Variants in FAM193A observed in about 807,000 individuals in gnomAD.
The protein encoded by FAM193A is family with sequence similarity 193 member A, also known as protein FAM193A.
Under a neutral mutation model 126.5 loss-of-function variants are expected in FAM193A, and 22 were observed. The ratio of observed to expected loss-of-function variants is 0.17; its 90% CI spans 0.12 to 0.25. The LOEUF is 0.25. Ranked by LOEUF, FAM193A falls within the 10% of genes least tolerant of loss-of-function variation. FAM193A has a pLI of 1.00. For missense variants in FAM193A, 1,675 were observed against 1,672.8 expected, an observed-to-expected ratio of 1.00 and a Z score of -0.02; for synonymous variants, 761 against 646.8, an observed-to-expected ratio of 1.18 and a Z score of -2.68.
chr4:2,579,223 G>C (rs546482586), intron 1 of FAM193A, among the ~76,000 whole-genome samples: 1 of 152,082 alleles, frequency 6.6e-6, no homozygotes, highest in East Asian at 2.0e-4. Flanking sequence ...GGCTGGGCGC[G>C]GTGGCTCACG....
intron 4 of FAM193A, among the ~76,000 whole-genome samples, chr4:2,630,636 C>T (rs1011577027): frequency 3.9e-5 from 6 of 152,246 alleles, no homozygotes; most frequent in African/African-American, 7.2e-5. Flanking sequence ...AATGTCCCCT[C>T]TGTAAAGCAG....
chr4:2,604,853 A>G (rs1386066382), intron 2 of FAM193A, among the ~76,000 whole-genome samples: 7 of 129,698 alleles, frequency 5.4e-5, no homozygotes, highest in Non-Finnish European at 1.5e-5. Context: ...GCTGGAGTGC[A>G]GTGGTGCGAA....
intron 1 of FAM193A, among the ~76,000 whole-genome samples, chr4:2,569,034 A>G (rs1435463682): frequency 1.6e-5 from 2 of 122,042 alleles, no homozygotes; most frequent in Non-Finnish European, 3.2e-5. Context: ...TAATGGTATG[A>G]TCTCGGCTCA....
At chr4:2,590,878 T>A (rs1190150311) in intron 1 of FAM193A, among the ~76,000 whole-genome samples, 1 of 151,356 alleles carries the variant, frequency 6.6e-6, no homozygotes, top group East Asian at 2.0e-4. Flanking sequence ...ATACAAAAAA[T>A]TAACCAGGCG....
At chr4:2,694,679 G>A (rs1160211227) in intron 16 of FAM193A, among the ~76,000 whole-genome samples, 2 of 152,184 alleles carry the variant, frequency 1.3e-5, no homozygotes, top group African/African-American at 4.8e-5. Flanking sequence ...AGTCTCAGAA[G>A]GAGTCATTGG....
intron 1 of FAM193A, among the ~76,000 whole-genome samples, chr4:2,578,800 A>G (rs1205191779): frequency 2.6e-5 from 4 of 152,094 alleles, no homozygotes; most frequent in East Asian, 1.9e-4. Context: ...TATATTTACT[A>G]TTTATTAAGT....
chr4:2,707,770 T>C (rs1001809804), intron 19 of FAM193A, among the ~76,000 whole-genome samples: 3 of 149,434 alleles, frequency 2.0e-5, no homozygotes, highest in African/African-American at 7.4e-5. Flanking sequence ...TGGAGTGCAG[T>C]GGCGCAATCT....
intron 1 of FAM193A, among the ~76,000 whole-genome samples, chr4:2,540,570 C>T (rs528488562): frequency 1.3e-5 from 2 of 152,178 alleles, no homozygotes; most frequent in South Asian, 4.1e-4. Flanking sequence ...ATGGCATGAA[C>T]CCAGGAGGCT....
At chr4:2,608,086 C>T in intron 2 of FAM193A, 2 of 1,609,798 alleles carry the variant, frequency 1.2e-6, no homozygotes, top group South Asian at 1.1e-5. Flanking sequence ...GCCTGATTCA[C>T]TCCCAGATTA....
rs768730827 is a variant in FAM193A, at chr4:2,663,177, T to C, written c.1968T>C (p.Ser656=). ...EADDEEADGE[S]SGEPPGAPKE... is the part of the protein sequence containing the mutation. ...ATGATGAAGAAGCGGACGGCGAGAG[T>C]AGTGGGGAGCCCCCAGGGGCCCCGA... Residue 656 remains serine, a synonymous_variant, in exon 12 of 21, where the codon AGT becomes AGC. Transcript: ENST00000637812. 1.9e-6 allele frequency: 3 copies of C among 1,613,478 alleles called. No homozygotes were observed. The Admixed American group carries it at 5.0e-5, about 27-fold the overall frequency.
Position 2,695,054 on chromosome 4 carries a change from C to T in FAM193A, c.3201C>T (p.Ser1067=), listed in dbSNP as rs1716881156. 2 of 1,609,612 alleles carry T rather than the reference C, an allele frequency of 1.2e-6. No homozygotes were observed. The highest frequency in any genetic ancestry group is 1.1e-5 in the South Asian group (1 of 90,188). ...ACAGCTGCTCTGAGCACAGCTCCAGCACCTCGACCTCCACCAACCAGAAGG... is the reference window on the plus strand; with the variant it reads ...ACAGCTGCTCTGAGCACAGCTCCAGTACCTCGACCTCCACCAACCAGAAGG... ...DEDSCSEHSS[S]TSTSTNQKEG... The change falls in exon 17 of 21, where the codon AGC becomes AGT. Residue 1067 remains serine (S), a synonymous_variant. Coordinates refer to ENST00000637812, the MANE Select transcript of FAM193A (RefSeq NM_001366318.2).
intron 19 of FAM193A, among the ~76,000 whole-genome samples, chr4:2,712,469 C>G (rs564672331): frequency 3.3e-4 from 51 of 152,246 alleles, no homozygotes; most frequent in Non-Finnish European, 5.4e-4. Context: ...TGCCTGCGGC[C>G]TAAGTCCTGC....
At chr4:2,538,915 G>A (rs1737055854) in intron 1 of FAM193A, among the ~76,000 whole-genome samples, 2 of 151,618 alleles carry the variant, frequency 1.3e-5, no homozygotes, top group African/African-American at 4.8e-5. Flanking sequence ...TTTTGAGACA[G>A]AGTCTCACTC....
intron 1 of FAM193A, among the ~76,000 whole-genome samples, chr4:2,572,883 C>T (rs919954325): frequency 2.0e-5 from 3 of 148,624 alleles, no homozygotes; most frequent in South Asian, 2.1e-4. Flanking sequence ...AGGTGAGAGG[C>T]GACAGTGGCG....
chr4:2,624,513 G>A (rs1431110713), intron 2 of FAM193A, among the ~76,000 whole-genome samples: 1 of 152,122 alleles, frequency 6.6e-6, no homozygotes, highest in Non-Finnish European at 1.5e-5. Context: ...TCCCCAGGAC[G>A]GAGAGGCCTC....
intron 13 of FAM193A, among the ~76,000 whole-genome samples, chr4:2,682,897 T>G (rs186080323): frequency 9.8e-5 from 15 of 152,362 alleles, no homozygotes; most frequent in East Asian, 3.8e-4. Flanking sequence ...TGAATAATAA[T>G]AAGAAGAAGA....
chr4:2,629,340 A>T (rs1369893534), intron 4 of FAM193A, among the ~76,000 whole-genome samples: 1 of 152,168 alleles, frequency 6.6e-6, no homozygotes, highest in Non-Finnish European at 1.5e-5. Context: ...ATTTTAATAG[A>T]TGAAATGCAT....
At chr4:2,603,632 T>C (rs1475952765) in intron 2 of FAM193A, among the ~76,000 whole-genome samples, 1 of 149,990 alleles carries the variant, frequency 6.7e-6, no homozygotes, top group Non-Finnish European at 1.5e-5. Context: ...AATTTTTTTT[T>C]GTATTTTTAG....
chr4:2,582,128 C>T (rs1376561876), intron 1 of FAM193A, among the ~76,000 whole-genome samples: 1 of 152,046 alleles, frequency 6.6e-6, no homozygotes, highest in Admixed American at 6.6e-5. Flanking sequence ...TTATCACTAG[C>T]TGCTTTCAGT....
Sources: gnomAD v4.1 joint callset for allele counts (sites outside exome capture counted in the v4.1 genomes callset) on GRCh38, gnomAD v4.1.1 for gene constraint, MANE v1.5 for transcripts, NCBI Gene and HGNC (gene_info 2026-07-23, HGNC 2026-07-21) for gene names.